Variants in GRIA4 observed in about 807,000 individuals in gnomAD.
GRIA4 encodes the protein glutamate ionotropic receptor AMPA type subunit 4.
In GRIA4, 34 loss-of-function variants were observed where a neutral mutation model predicts 104.0. The observed-to-expected ratio is 0.33, with a 90% CI of 0.25 to 0.44. The LOEUF (loss-of-function observed/expected upper bound fraction) is 0.44, where lower values mean the gene tolerates loss of function less well. Ranked by LOEUF, GRIA4 falls within the 20% of genes least tolerant of loss-of-function variation. GRIA4 has a pLI of 1.00. For missense variants in GRIA4, 750 were observed against 1,096.5 expected (o/e 0.68, Z 4.46); for synonymous variants, 386 against 381.9 (o/e 1.01, Z -0.13).
At chr11:105,800,752 C>A (rs1275927927) in intron 4 of GRIA4, among the ~76,000 whole-genome samples, 2 of 148,842 alleles carry the variant, frequency 1.3e-5, no homozygotes. Context: ...CTCATCTAAG[C>A]CACTAATTTA....
chr11:105,776,459 AATAG>A (rs1202221781), intron 4 of GRIA4, among the ~76,000 whole-genome samples: 2 of 152,222 alleles, frequency 1.3e-5, no homozygotes, highest in African/African-American at 2.4e-5. Flanking sequence ...TGTATGGAAA[AATAG>A]ATAGTAAACA....
chr11:105,703,813 A>G lies in GRIA4; in HGVS notation c.248-49168A>G, dbSNP rs556583011. On this transcript the variant is annotated intron_variant, in intron 3 of 16. Transcript: ENST00000282499. ...CAAAGCCTAATGGGATAAATAATTA[A>G]TAGGCAGGTTCTTATAAATTTTTAT... 4.6e-5 allele frequency among the ~76,000 whole-genome samples: 7 copies of G among 152,258 alleles called. No homozygotes were observed. In the East Asian group the frequency reaches 1.3e-3, roughly 29 times the overall value.
intron 3 of GRIA4, among the ~76,000 whole-genome samples, chr11:105,695,806 T>C (rs1330881433): frequency 6.6e-6 from 1 of 152,184 alleles, no homozygotes; most frequent in Non-Finnish European, 1.5e-5. Context: ...ACCTGAAGAT[T>C]ATGGAAGCCA....
chr11:105,617,171 A>T (rs1950621627), intron 3 of GRIA4, among the ~76,000 whole-genome samples: 1 of 149,808 alleles, frequency 6.7e-6, no homozygotes, highest in South Asian at 2.1e-4. Flanking sequence ...ATTATTCTGG[A>T]TTTTAAAATG....
At chr11:105,966,551 G>C (rs894306019) in intron 14 of GRIA4, among the ~76,000 whole-genome samples, 1 of 152,042 alleles carries the variant, frequency 6.6e-6, no homozygotes, top group Non-Finnish European at 1.5e-5. Context: ...TTCTATTCAA[G>C]TTAAATAACA....
intron 3 of GRIA4, among the ~76,000 whole-genome samples, chr11:105,625,618 T>C (rs1950867251): frequency 6.6e-6 from 1 of 152,116 alleles, no homozygotes; most frequent in Non-Finnish European, 1.5e-5. Flanking sequence ...TTACGATCAG[T>C]ATAGAATTAA....
chr11:105,695,419 C>T (rs1953234090), intron 3 of GRIA4, among the ~76,000 whole-genome samples: 1 of 151,620 alleles, frequency 6.6e-6, no homozygotes, highest in Non-Finnish European at 1.5e-5. Flanking sequence ...GCTTTTCATC[C>T]TGGAGAGAGA....
At chr11:105,633,434 G>A (rs140609795) in intron 3 of GRIA4, among the ~76,000 whole-genome samples, 1 of 152,252 alleles carries the variant, frequency 6.6e-6, no homozygotes, top group East Asian at 1.9e-4. Flanking sequence ...CCTGAATATA[G>A]TTCATAGCAC....
chr11:105,963,520 T>A (rs1042104814), intron 14 of GRIA4, among the ~76,000 whole-genome samples: 1 of 152,072 alleles, frequency 6.6e-6, no homozygotes, highest in Non-Finnish European at 1.5e-5. Flanking sequence ...AAAGGTAAAT[T>A]TCATATATGA....
chr11:105,752,692 C>T (rs1233327188), intron 3 of GRIA4, among the ~76,000 whole-genome samples: 2 of 152,028 alleles, frequency 1.3e-5, no homozygotes, highest in African/African-American at 2.4e-5. Context: ...TTATGGAAGG[C>T]CATATTTTTT....
intron 4 of GRIA4, among the ~76,000 whole-genome samples, chr11:105,802,631 G>T (rs1591280763): frequency 6.6e-6 from 1 of 151,846 alleles, no homozygotes; most frequent in South Asian, 2.1e-4. Context: ...TCTGGATATT[G>T]CTTACTATTC....
In GRIA4 at chr11:105,875,251, T is replaced by C. The variant is rs656636; in HGVS notation, c.673-12268T>C. On this transcript the variant is annotated intron_variant, in intron 5 of 16. Transcript: ENST00000282499. ...GCATATGTTGAACCAGCCTCACATC[T>C]CAGGGATGAAGGCGACTTGATCGTG... 2.0e-3 allele frequency among the ~76,000 whole-genome samples: 297 copies of C among 152,252 alleles called. 1 individual carries two copies. The highest frequency in any genetic ancestry group is 6.6e-3 in the African/African-American group (275 of 41,562).
rs74640837 is a variant in GRIA4 at position 105,666,496 on chromosome 11, T to C, written c.247+54062T>C. On this transcript the variant is annotated intron_variant, in intron 3 of 16. Coordinates refer to ENST00000282499, the MANE Select transcript of GRIA4 (RefSeq NM_000829.4). ...AAGCAAGATATTCTGGAAAACCTAA[T>C]CTCTCTTAAAAACTATGAAATAATG... 3.0e-3 allele frequency among the ~76,000 whole-genome samples: 455 copies of C among 152,022 alleles called. 6 individuals are homozygous for C. The highest frequency in any genetic ancestry group is 0.011 in the African/African-American group (447 of 41,538).
Position 105,896,104 on chromosome 11 carries a change from G to A in GRIA4, c.727-2165G>A, listed in dbSNP as rs766941677. Reference sequence around the variant, plus strand: ...CTCACCAACATCTGCTATTTCTTGAGTTTTAAATAATAGCCATTCTGACTG... The same window carrying A: ...CTCACCAACATCTGCTATTTCTTGAATTTTAAATAATAGCCATTCTGACTG... On this transcript the variant is annotated intron_variant, in intron 6 of 16. Coordinates refer to ENST00000282499, the MANE Select transcript of GRIA4 (RefSeq NM_000829.4). Among the ~76,000 whole-genome samples the A allele has an allele frequency of 5.9e-5, 9 of 152,038 alleles. No homozygotes were observed. In the Middle Eastern group the frequency reaches 0.014, roughly 230 times the overall value.
chr11:105,734,258 C>T (rs1938795866), intron 3 of GRIA4, among the ~76,000 whole-genome samples: 1 of 151,866 alleles, frequency 6.6e-6, no homozygotes, highest in Admixed American at 6.6e-5. Context: ...CAACAGCATT[C>T]AGCCAGTTGC....
intron 3 of GRIA4, among the ~76,000 whole-genome samples, chr11:105,691,851 CT>C (rs780437075): frequency 2.1e-5 from 3 of 143,702 alleles, no homozygotes; most frequent in Non-Finnish European, 4.5e-5. Context: ...AGGAGAGTTT[CT>C]TGAACCAGGG....
intron 4 of GRIA4, among the ~76,000 whole-genome samples, chr11:105,775,552 CA>C (rs1335752231): frequency 2.0e-5 from 3 of 151,664 alleles, no homozygotes; most frequent in African/African-American, 7.3e-5. Flanking sequence ...AATTAACAGG[CA>C]AATGACAGCT....
chr11:105,701,898 A>T (rs1415813591), intron 3 of GRIA4, among the ~76,000 whole-genome samples: 8 of 152,168 alleles, frequency 5.3e-5, no homozygotes, highest in Non-Finnish European at 1.5e-5. Context: ...TAGATATTTG[A>T]TCATAGTAAT....
At chr11:105,648,656 A>G (rs1951601223) in intron 3 of GRIA4, among the ~76,000 whole-genome samples, 1 of 152,062 alleles carries the variant, frequency 6.6e-6, no homozygotes, top group Non-Finnish European at 1.5e-5. Context: ...ATCTGGAGAA[A>G]GAGAAATCGA....
Sources: gnomAD v4.1 joint callset for allele counts (sites outside exome capture counted in the v4.1 genomes callset) on GRCh38, gnomAD v4.1.1 for gene constraint, MANE v1.5 for transcripts, NCBI Gene and HGNC (gene_info 2026-07-23, HGNC 2026-07-21) for gene names.